MED1: variants seen among roughly 807,000 people sequenced by gnomAD.
The protein encoded by MED1 is mediator of RNA polymerase II transcription subunit 1.
In MED1, 17 loss-of-function variants were observed where a neutral mutation model predicts 121.3. The ratio of observed to expected loss-of-function variants is 0.14; its 90% CI spans 0.10 to 0.21. The LOEUF is 0.21. Among genes scored for constraint, MED1 ranks in the 10% least tolerant of loss-of-function variants. The pLI is 1.00. For synonymous variants in MED1, 661 were observed against 694.4 expected (o/e 0.95, Z 0.76); for missense variants, 1,558 against 1,919.4 (o/e 0.81, Z 3.52).
Position 39,445,779 on chromosome 17 carries a change from A to C in MED1, c.132+2019T>G, listed in dbSNP as rs141663410. 4.0e-3 allele frequency among the ~76,000 whole-genome samples: 606 copies of C among 151,672 alleles called. 6 individuals are homozygous for C. Among genetic ancestry groups the C allele is most frequent in the African/African-American group, 0.014 (579 of 41,352 alleles). ...GGCACAGGGGCTCACACCCGTAATC[A>C]CAGCACTTTGGGAGGCTGAGGCAGG... is the stretch of plus-strand genomic sequence containing the variant. On this transcript the variant is annotated intron_variant, in intron 2 of 16. Transcript: ENST00000300651.
At chr17:39,419,329 G>C (rs1473207604) in intron 14 of MED1, among the ~76,000 whole-genome samples, 2 of 152,102 alleles carry the variant, frequency 1.3e-5, no homozygotes, top group Non-Finnish European at 2.9e-5. Context: ...GCCCACCTTG[G>C]CCTCCCAAAG....
In MED1 at chr17:39,406,910, C is replaced by T. The variant is rs907339149; in HGVS notation, c.*565G>A. 2.4e-5 allele frequency: 24 copies of T among 985,654 alleles called. No homozygotes were observed. Among genetic ancestry groups the T allele is most frequent in the Non-Finnish European group, 2.8e-5 (23 of 829,946 alleles). 61.1% of individuals were successfully genotyped at this position (985,654 alleles called of 1,614,324 possible). ...CAAATAAATAGCTAAAATAATCTTC[C>T]CTCCCCCAGTCACTCCTAAGAAACA... is the stretch of plus-strand genomic sequence containing the variant. On this transcript the variant is annotated 3_prime_UTR_variant, in exon 17 of 17. Transcript: ENST00000300651.
At position 39,406,182 on chromosome 17, in the gene MED1, G is replaced by A; in HGVS notation, c.*1293C>T. 1 of 985,528 alleles carries A rather than the reference G, an allele frequency of 1.0e-6. No individual in the cohort carries two copies. Among genetic ancestry groups the A allele is most frequent in the Non-Finnish European group, 1.2e-6 (1 of 829,926 alleles). The allele number at this position is 985,528 out of a possible 1,614,324, so 61.0% of individuals were successfully genotyped here. ...TTCTCCAAAAAGGTCCAATTGGGTT[G>A]CTACATAGTAGCAAGGGTTTATCTT... On this transcript the variant is annotated 3_prime_UTR_variant, in exon 17 of 17. Coordinates refer to ENST00000300651, the MANE Select transcript of MED1 (RefSeq NM_004774.4).
intron 12 of MED1, 125 bp from the exon 13 acceptor site, chr17:39,423,570 A>G (rs1441877030): frequency 1.4e-6 from 2 of 1,454,422 alleles, no homozygotes; most frequent in African/African-American, 1.4e-5. Context: ...AGTACAAAGC[A>G]CTATAACATC....
chr17:39,411,356 C>G (rs1000912188), intron 16 of MED1, among the ~76,000 whole-genome samples: 1 of 152,276 alleles, frequency 6.6e-6, no homozygotes, highest in Admixed American at 6.5e-5. Flanking sequence ...CGCGGTGGCT[C>G]ACTCCTGCAA....
chr17:39,422,542 T>C (rs1308672404), intron 13 of MED1, among the ~76,000 whole-genome samples: 3 of 133,178 alleles, frequency 2.3e-5, no homozygotes, highest in Non-Finnish European at 4.7e-5. Flanking sequence ...AGTGGCGCAA[T>C]CTTGGCTCAC....
Position 39,409,363 on chromosome 17 carries a change from C to G in MED1, c.2858G>C (p.Ser953Thr). The G allele has an allele frequency of 3.7e-6, 6 of 1,614,094 alleles. No homozygotes were observed. The highest frequency in any genetic ancestry group is 5.1e-6 in the Non-Finnish European group (6 of 1,180,014). Residue 953 changes from serine (S) to threonine (T), a missense_variant, in exon 17 of 17, where the codon AGT becomes ACT. Around this residue, in one of 5 missense-constraint regions of MED1, gnomAD observed 793 missense variants for 898.2 expected, o/e 0.88. Transcript: ENST00000300651. The part of the protein sequence containing the change: ...PADLMEHHSG[S>T]QGPLLTTGDL... Reference sequence around the variant, plus strand: ...CCCAGTGGTCAGTAAAGGACCCTGACTACCACTGTGATGCTCCATAAGATC... The same window carrying G: ...CCCAGTGGTCAGTAAAGGACCCTGAGTACCACTGTGATGCTCCATAAGATC...
rs771042326 is a variant in MED1, at chr17:39,424,733, G to C, written c.745C>G (p.Arg249Gly). The change falls in exon 11 of 17, where the codon CGA becomes GGA. Residue 249 changes from arginine (R) to glycine (G), a missense_variant. Coordinates refer to ENST00000300651, the MANE Select transcript of MED1 (RefSeq NM_004774.4). ...ACTGATGCATTCATGCCCAAAGATCGAGAAACTGGGGATAGGAAAGAAAAA... is the reference window on the plus strand; with the variant it reads ...ACTGATGCATTCATGCCCAAAGATCCAGAAACTGGGGATAGGAAAGAAAAA... ...PIILHENNVS[R>G]SLGMNASVTI... 79 of 1,582,126 alleles carry C rather than the reference G, an allele frequency of 5.0e-5. No homozygotes were observed. The highest frequency in any genetic ancestry group is 1.6e-4 in the South Asian group (14 of 89,014).
At chr17:39,432,742 G>A (rs975638382) in intron 7 of MED1, among the ~76,000 whole-genome samples, 1 of 147,564 alleles carries the variant, frequency 6.8e-6, no homozygotes, top group Non-Finnish European at 1.5e-5. Flanking sequence ...GGCAGAGCGA[G>A]ACTCTGTCTC....
Position 39,409,244 on chromosome 17 carries a change from C to G in MED1, c.2977G>C (p.Gly993Arg), listed in dbSNP as rs1310775064. Residue 993 changes from glycine (G) to arginine (R), a missense_variant, in exon 17 of 17, where the codon GGG becomes CGG. This residue lies in a region of MED1 where 793 missense variants were observed against 898.2 expected (regional missense o/e 0.88). Transcript: ENST00000300651. ...LSGPGLDSKPGKRSRTPSNDG... is the reference protein window; with the variant it reads ...LSGPGLDSKPRKRSRTPSNDG... ...TTAGAAGGGGTCCGACTGCGCTTCC[C>G]TGGTTTGCTGTCTAATCCGGGCCCC... 2.5e-6 allele frequency: 4 copies of G among 1,614,064 alleles called. No homozygotes were observed. The highest frequency in any genetic ancestry group is 3.4e-6 in the Non-Finnish European group (4 of 1,180,014).
intron 14 of MED1, among the ~76,000 whole-genome samples, chr17:39,418,503 A>G (rs2048431562): frequency 6.6e-6 from 1 of 151,810 alleles, no homozygotes; most frequent in Non-Finnish European, 1.5e-5. Context: ...ACTGTGGTTC[A>G]GTCTGGGCAA....
intron 3 of MED1, among the ~76,000 whole-genome samples, chr17:39,443,065 G>A (rs1232564408): frequency 1.5e-5 from 2 of 132,376 alleles, no homozygotes; most frequent in African/African-American, 2.9e-5. Flanking sequence ...GTAATGGCGT[G>A]ATTTTGGCTC....
intron 16 of MED1, among the ~76,000 whole-genome samples, chr17:39,411,474 T>G (rs1464845052): frequency 1.3e-5 from 2 of 150,300 alleles, no homozygotes; most frequent in African/African-American, 4.9e-5. Context: ...TACAAAAAAT[T>G]AGCCAGCCGT....
intron 2 of MED1, chr17:39,445,314 G>A (rs1275097757): frequency 1.3e-5 from 2 of 151,872 alleles, no homozygotes; most frequent in Non-Finnish European, 2.9e-5. Flanking sequence ...CCGGGTTCAA[G>A]CGGTTCTGCT....
Position 39,407,796 on chromosome 17 carries a change from A to G in MED1, c.4425T>C (p.Ser1475=), listed in dbSNP as rs192303677. 2.5e-6 allele frequency: 4 copies of G among 1,614,110 alleles called. No homozygotes were observed. In the African/African-American group the frequency reaches 5.3e-5, roughly 22 times the overall value. The change falls in exon 17 of 17, where the codon TCT becomes TCC. Residue 1475 remains serine, a synonymous_variant. Transcript: ENST00000300651. ...CGTCTGAGCTGGGACTATTCTGATA[A>G]GATTTCTCTGCTATGGAGGAGCCTG... The part of the protein sequence containing the change: ...SESGSSIAEK[S]YQNSPSSDDG...
At position 39,430,343 on chromosome 17, in the gene MED1, C is replaced by T. The variant is rs367707395; in HGVS notation, c.649+772G>A. Among the ~76,000 whole-genome samples, 13 of 152,046 alleles carry T rather than the reference C, an allele frequency of 8.6e-5. No homozygotes were observed. The East Asian group carries it at 2.3e-3, about 27-fold the overall frequency. On this transcript the variant is annotated intron_variant, in intron 9 of 16. Transcript: ENST00000300651. ...GAGGTTACAGTGATCCAAGATTGTG[C>T]CACTGCACTCCAGCCTGGTGAGAGC...
chr17:39,448,187 A>C (rs1304657877), intron 1 of MED1, among the ~76,000 whole-genome samples: 1 of 144,772 alleles, frequency 6.9e-6, no homozygotes, highest in African/African-American at 2.6e-5. Context: ...ACCAGGCTGG[A>C]GTGTCAAACC....
At position 39,442,996 on chromosome 17, in the gene MED1, C is replaced by CTTT. The variant is rs754729976; in HGVS notation, c.211+551_211+553dup. Among the ~76,000 whole-genome samples the CTTT allele has an allele frequency of 3.6e-3, 300 of 82,848 alleles. 2 individuals are homozygous for CTTT. Among genetic ancestry groups the CTTT allele is most frequent in the African/African-American group, 6.3e-3 (127 of 20,210 alleles). The allele number at this position is 82,848 out of a possible 152,430, so 54.4% of individuals were successfully genotyped here. ...GGGAAAAAAAACTTTTCCCAGGTAT[C>CTTT]TTTTTTTTTTTTTTTTTTTTTTTTG... On this transcript the variant is annotated intron_variant, in intron 3 of 16. Coordinates refer to ENST00000300651, the MANE Select transcript of MED1 (RefSeq NM_004774.4).
intron 14 of MED1, among the ~76,000 whole-genome samples, 156 bp from the exon 15 acceptor site, chr17:39,415,495 G>A (rs908942230): frequency 7.9e-5 from 12 of 151,808 alleles, no homozygotes; most frequent in Non-Finnish European, 1.8e-4. Context: ...CCAACATGGC[G>A]AAACCCCAAC....
Sources: allele counts gnomAD v4.1 joint callset (sites outside exome capture counted in the v4.1 genomes callset), GRCh38; gene constraint gnomAD v4.1.1; regional missense constraint gnomAD v4.1.1; transcripts MANE v1.5; gene names NCBI Gene and HGNC (gene_info 2026-07-23, HGNC 2026-07-21).